Variants in CCDC152 observed in about 807,000 individuals in gnomAD.
CCDC152 encodes coiled-coil domain-containing protein 152.
CCDC152 carries 37 observed loss-of-function variants against 38.1 expected under a neutral mutation model. That is an observed-to-expected ratio of 0.97 (90% CI 0.75 to 1.28). The LOEUF (loss-of-function observed/expected upper bound fraction) is 1.28. CCDC152 is among the 50% of genes most tolerant of loss of function. The pLI is 0.00. For missense variants in CCDC152, 259 were observed against 292.1 expected, an observed-to-expected ratio of 0.89 and a Z score of 0.83; for synonymous variants, 83 against 87.1, an observed-to-expected ratio of 0.95 and a Z score of 0.26.
At chr5:42,786,517 TTC>T (rs1461449972) in intron 6 of CCDC152, among the ~76,000 whole-genome samples, 3 of 152,124 alleles carry the variant, frequency 2.0e-5, no homozygotes, top group Admixed American at 2.0e-4. Context: ...AAACTTCTGT[TTC>T]TCTCTGTTTT....
chr5:42,762,915 C>CA (rs970257302), intron 3 of CCDC152, among the ~76,000 whole-genome samples: 22 of 152,136 alleles, frequency 1.4e-4, no homozygotes, highest in East Asian at 3.9e-4. Context: ...TCAAATGTGT[C>CA]AAAAAAATTG....
At chr5:42,783,625 A>C (rs1403204693) in intron 6 of CCDC152, 49 bp downstream of exon 6, 14 of 942,514 alleles carry the variant, frequency 1.5e-5, no homozygotes, top group Middle Eastern at 2.5e-4. Flanking sequence ...AACAGATATA[A>C]TGTGTGGGTT....
Position 42,801,543 on chromosome 5 carries a change from A to T in CCDC152, c.*1762A>T, listed in dbSNP as rs548487036. ...AAAAGAAAGCCAAACCACTGTACTTATATTTGCAGAAGCAAATGAAGTAAA... is the reference window on the plus strand; with the variant it reads ...AAAAGAAAGCCAAACCACTGTACTTTTATTTGCAGAAGCAAATGAAGTAAA... On this transcript the variant is annotated 3_prime_UTR_variant, in exon 9 of 9. Transcript: ENST00000361970. The T allele has an allele frequency of 1.0e-5, 5 of 478,348 alleles. No homozygotes were observed. The highest frequency in any genetic ancestry group is 5.3e-4 in the Middle Eastern group (1 of 1,876). The allele number at this position is 478,348 out of a possible 1,614,324, so 29.6% of individuals were successfully genotyped here. A position where few individuals can be genotyped will look rare whatever the true frequency, so the allele number is the denominator to read the frequency against.
chr5:42,780,021 A>T (rs1759823256), intron 5 of CCDC152, among the ~76,000 whole-genome samples: 1 of 152,184 alleles, frequency 6.6e-6, no homozygotes, highest in South Asian at 2.1e-4. Flanking sequence ...TATCTCCTGT[A>T]GGAACAGTGT....
intron 3 of CCDC152, among the ~76,000 whole-genome samples, chr5:42,766,079 T>G (rs893821466): frequency 6.6e-6 from 1 of 152,096 alleles, no homozygotes; most frequent in Non-Finnish European, 1.5e-5. Flanking sequence ...AAAAATCTAA[T>G]AATCCAATCC....
chr5:42,801,064 CT>C lies in CCDC152; in HGVS notation c.*1285del. 2 of 1,614,158 alleles carry C rather than the reference CT, an allele frequency of 1.2e-6. No individual in the cohort carries two copies. Among genetic ancestry groups the C allele is most frequent in the Non-Finnish European group, 8.5e-7 (1 of 1,180,020 alleles). On this transcript the variant is annotated 3_prime_UTR_variant, in exon 9 of 9. Transcript: ENST00000361970. ...AGCTTCTTTTGTAAATCTTGTAAAT[CT>C]TCACTTGCTGGCATATCTCGGTTCT...
Position 42,800,678 on chromosome 5 carries a change from T to C in CCDC152, c.*897T>C. 1 of 1,520,442 alleles carries C rather than the reference T, an allele frequency of 6.6e-7. No individual in the cohort carries two copies. Among genetic ancestry groups the C allele is most frequent in the Admixed American group, 2.2e-5 (1 of 45,042 alleles). The allele number at this position is 1,520,442 out of a possible 1,614,324, so 94.2% of individuals were successfully genotyped here. The stretch of plus-strand genomic sequence containing the variant: ...TTTATAAAAATGCTGGAAATGAAAT[T>C]GTGTCTAGACTAAATTGGGGAGTAT... On this transcript the variant is annotated 3_prime_UTR_variant, in exon 9 of 9. Transcript: ENST00000361970.
chr5:42,801,165 G>A lies in CCDC152; in HGVS notation c.*1384G>A. On this transcript the variant is annotated 3_prime_UTR_variant, in exon 9 of 9. Coordinates refer to ENST00000361970, the MANE Select transcript of CCDC152 (RefSeq NM_001134848.2). ...GCCTGGAGGAGCAGGATGAGTAGGA[G>A]CATTTGGTGCTCCTGGTTGCTGATT... 6.2e-7 allele frequency: 1 copy of A among 1,614,144 alleles called. No homozygotes were observed.
intron 8 of CCDC152, 99 bp from the exon 9 acceptor site, chr5:42,799,560 A>T (rs1319517589): frequency 4.3e-6 from 5 of 1,174,154 alleles, no homozygotes; most frequent in Non-Finnish European, 6.0e-6. Flanking sequence ...GGTATTTTTT[A>T]AAATACCAAT....
intron 4 of CCDC152, among the ~76,000 whole-genome samples, chr5:42,776,505 T>G (rs1759770001): frequency 6.6e-6 from 1 of 152,212 alleles, no homozygotes; most frequent in Non-Finnish European, 1.5e-5. Context: ...GATTTCAACA[T>G]TCTTCTATCA....
chr5:42,759,539 C>A (rs1759521873), intron 2 of CCDC152, among the ~76,000 whole-genome samples: 2 of 152,144 alleles, frequency 1.3e-5, no homozygotes, highest in Admixed American at 1.3e-4. Context: ...CAACAGTGGT[C>A]CAAAACTATT....
At chr5:42,774,229 A>T (rs1460889200) in intron 4 of CCDC152, among the ~76,000 whole-genome samples, 2 of 152,190 alleles carry the variant, frequency 1.3e-5, no homozygotes, top group East Asian at 1.9e-4. Context: ...TGAATTGCAG[A>T]TGGCTCATTG....
At position 42,769,577 on chromosome 5, in the gene CCDC152, A is replaced by G; in HGVS notation, c.194-20A>G. On this transcript the variant is annotated intron_variant, in intron 3 of 8. Coordinates refer to ENST00000361970, the MANE Select transcript of CCDC152 (RefSeq NM_001134848.2). ...ATGAAAGCAAGGGATTTTAAAATAA[A>G]TTTATCTTTTATATTTCAGAATGTG... 6.9e-7 allele frequency: 1 copy of G among 1,456,606 alleles called. No homozygotes were observed. Among genetic ancestry groups the G allele is most frequent in the Non-Finnish European group, 9.1e-7 (1 of 1,101,872 alleles). The allele number at this position is 1,456,606 out of a possible 1,614,324, so 90.2% of individuals were successfully genotyped here.
At chr5:42,756,996 A>C (rs1044672350) in intron 1 of CCDC152, 111 bp downstream of exon 1, 3 of 152,552 alleles carry the variant, frequency 2.0e-5, no homozygotes, top group African/African-American at 4.8e-5. Flanking sequence ...TTCTTTTCAG[A>C]CACCTCTCTC....
At position 42,796,940 on chromosome 5, in the gene CCDC152, T is replaced by A; in HGVS notation, c.542T>A (p.Ile181Asn). 2 of 1,522,320 alleles carry A rather than the reference T, an allele frequency of 1.3e-6. No individual in the cohort carries two copies. Among genetic ancestry groups the A allele is most frequent in the Non-Finnish European group, 1.8e-6 (2 of 1,137,958 alleles). 94.3% of individuals were successfully genotyped at this position (1,522,320 alleles called of 1,614,324 possible). The part of the protein sequence containing the change: ...SQEKEKQNEI[I>N]KLQLEFDAKL... ...GAAAAAGAAAAACAAAATGAAATAA[T>A]CAAGCTACAACTAGAAGTAAGTGTT... is the stretch of plus-strand genomic sequence containing the variant. Residue 181 changes from isoleucine to asparagine, a missense_variant, in exon 7 of 9, where the codon ATC becomes AAC. By Grantham distance (149) the Ile-to-Asn change is moderately radical (BLOSUM62 -3). Transcript: ENST00000361970.
In CCDC152 at chr5:42,800,933, T is replaced by G. The variant is rs377441682; in HGVS notation, c.*1152T>G. The G allele has an allele frequency of 6.2e-7, 1 of 1,614,206 alleles. No homozygotes were observed. The highest frequency in any genetic ancestry group is 8.5e-7 in the Non-Finnish European group (1 of 1,180,044). On this transcript the variant is annotated 3_prime_UTR_variant, in exon 9 of 9. Transcript: ENST00000361970. ...ACTGTCAGGTGATTGCAGACCCTGT[T>G]TTTTCAAATATCAGATGTCGACAAT...
At chr5:42,796,236 T>TAAA (rs1442697185) in intron 6 of CCDC152, among the ~76,000 whole-genome samples, 1 of 149,624 alleles carries the variant, frequency 6.7e-6, no homozygotes, top group African/African-American at 2.5e-5. Flanking sequence ...AAACTTAAAG[T>TAAA]ATAATAATAA....
At chr5:42,776,916 T>C (rs866166139) in intron 4 of CCDC152, among the ~76,000 whole-genome samples, 2 of 152,104 alleles carry the variant, frequency 1.3e-5, no homozygotes, top group South Asian at 2.1e-4. Flanking sequence ...ACCACAGTGC[T>C]TAAAGAGATA....
chr5:42,799,522 A>T, intron 8 of CCDC152, 64 bp downstream of exon 8: 1 of 1,215,954 alleles, frequency 8.2e-7, no homozygotes, highest in Non-Finnish European at 1.2e-6. Context: ...TTTCTATAAA[A>T]ATCATCTAAT....
Sources: gnomAD v4.1 joint callset for allele counts (sites outside exome capture counted in the v4.1 genomes callset) on GRCh38, gnomAD v4.1.1 for gene constraint, MANE v1.5 for transcripts, NCBI Gene and HGNC (gene_info 2026-07-23, HGNC 2026-07-21) for gene names.